PAQR5: variants seen among roughly 807,000 people sequenced by gnomAD.
PAQR5 encodes the protein progestin and adipoQ receptor family member 5, also known as membrane progestin receptor gamma.
PAQR5 carries 20 observed loss-of-function variants against 34.5 expected under a neutral mutation model. The observed-to-expected ratio is 0.58, with a 90% confidence interval of 0.41 to 0.84. The LOEUF (loss-of-function observed/expected upper bound fraction) is 0.84, where lower values mean the gene tolerates loss of function less well. Among genes scored for constraint, PAQR5 ranks in the 40% least tolerant of loss-of-function variants. The pLI is 0.00. For missense variants in PAQR5, 378 were observed against 412.7 expected (o/e 0.92, Z 0.73); for synonymous variants, 131 against 155.6 (o/e 0.84, Z 1.18).
intron 2 of PAQR5, among the ~76,000 whole-genome samples, chr15:69,342,546 T>G (rs1456726752): frequency 2.0e-5 from 3 of 152,162 alleles, no homozygotes; most frequent in African/African-American, 2.4e-5. Context: ...ATCACATGTT[T>G]TAAGGTAAAA....
intron 3 of PAQR5, among the ~76,000 whole-genome samples, chr15:69,371,305 C>A (rs2055555057): frequency 6.6e-6 from 1 of 151,870 alleles, no homozygotes; most frequent in Non-Finnish European, 1.5e-5. Context: ...TTAATTGAAG[C>A]CAGTTTGAGC....
At chr15:69,346,297 ATTTTTTTTTTTT>A (rs34728909) in intron 2 of PAQR5, among the ~76,000 whole-genome samples, 2 of 81,490 alleles carry the variant, frequency 2.5e-5, no homozygotes, top group African/African-American at 5.4e-5. Context: ...ATATTTTGTA[ATTTTTTTTTTTT>A]TTTTTTTTTT....
chr15:69,379,194 C>T (rs1314112929), intron 3 of PAQR5, among the ~76,000 whole-genome samples: 1 of 151,984 alleles, frequency 6.6e-6, no homozygotes, highest in Non-Finnish European at 1.5e-5. Context: ...TCTCACTTAC[C>T]ACTTTTAGTG....
At chr15:69,379,089 A>C (rs1220029213) in intron 3 of PAQR5, among the ~76,000 whole-genome samples, 1 of 152,248 alleles carries the variant, frequency 6.6e-6, no homozygotes, top group Non-Finnish European at 1.5e-5. Context: ...TCATTTTCCC[A>C]AGCTCTTCTA....
In PAQR5 at chr15:69,360,049, TCA is replaced by T; in HGVS notation, c.-30_-29del. The T allele has an allele frequency of 6.2e-7, 1 of 1,602,844 alleles. No homozygotes were observed. The highest frequency in any genetic ancestry group is 8.5e-7 in the Non-Finnish European group (1 of 1,170,052). ...GAGGCCTGGTAACAGGGAGGCGCTG[TCA>T]CCTACTGGCCTTGCCAATCCAGCTC... On this transcript the variant is annotated 5_prime_UTR_variant, in exon 3 of 9. Transcript: ENST00000395407.
At chr15:69,368,062 C>CTT (rs5813535) in intron 3 of PAQR5, among the ~76,000 whole-genome samples, 2,469 of 148,416 alleles carry the variant, frequency 0.017, 37 homozygotes, top group Non-Finnish European at 0.026. Context: ...AGGCTTTCTG[C>CTT]TTTTTTTTTT....
chr15:69,364,525 T>TATATATACATTATATATGTA (rs2055336944), intron 3 of PAQR5, among the ~76,000 whole-genome samples: 2 of 136,874 alleles, frequency 1.5e-5, no homozygotes, highest in East Asian at 5.1e-4. Flanking sequence ...ATATATGTAA[T>TATATATACATTATATATGTA]ATATATACAT....
chr15:69,355,813 G>A (rs1304219320), intron 2 of PAQR5, among the ~76,000 whole-genome samples: 1 of 151,992 alleles, frequency 6.6e-6, no homozygotes, highest in Non-Finnish European at 1.5e-5. Flanking sequence ...GGAATAGAAT[G>A]ATATAAAGCA....
chr15:69,351,001 C>T (rs550434596), intron 2 of PAQR5, among the ~76,000 whole-genome samples: 10 of 152,144 alleles, frequency 6.6e-5, no homozygotes, highest in East Asian at 1.9e-4. Context: ...TAGTCAGAGG[C>T]GAGGCTCATA....
intron 6 of PAQR5, among the ~76,000 whole-genome samples, chr15:69,396,056 C>T (rs2056420646): frequency 6.6e-6 from 1 of 151,638 alleles, no homozygotes; most frequent in Non-Finnish European, 1.5e-5. Flanking sequence ...CATCCTCAGA[C>T]CTGCTTCTGT....
chr15:69,305,787 T>A (rs7173953), intron 1 of PAQR5, among the ~76,000 whole-genome samples: 93,737 of 151,922 alleles, frequency 0.62, 29,367 homozygotes, highest in Non-Finnish European at 0.69. Flanking sequence ...GGTTTTATTT[T>A]GTTTATTCCT....
intron 8 of PAQR5, among the ~76,000 whole-genome samples, chr15:69,400,782 G>A (rs1379017114): frequency 6.6e-6 from 1 of 152,170 alleles, no homozygotes; most frequent in Non-Finnish European, 1.5e-5. Flanking sequence ...AAAGGGAAAA[G>A]GGGAGAAAGC....
chr15:69,322,011 G>T (rs966938514), intron 1 of PAQR5, among the ~76,000 whole-genome samples: 2 of 152,172 alleles, frequency 1.3e-5, no homozygotes, highest in Admixed American at 6.5e-5. Context: ...AAGCATTATA[G>T]AGCAGGTGAC....
chr15:69,392,667 C>T (rs1326088101), intron 6 of PAQR5, among the ~76,000 whole-genome samples: 6 of 152,090 alleles, frequency 3.9e-5, no homozygotes, highest in South Asian at 4.2e-4. Flanking sequence ...CCATGATTTC[C>T]GTTAGAGTGT....
chr15:69,325,837 C>T (rs988558141), intron 1 of PAQR5, among the ~76,000 whole-genome samples: 2 of 152,130 alleles, frequency 1.3e-5, no homozygotes, highest in East Asian at 1.9e-4. Context: ...GCCATCTGCC[C>T]GGGAAACTAA....
At chr15:69,352,335 A>G (rs1377822065) in intron 2 of PAQR5, among the ~76,000 whole-genome samples, 1 of 152,170 alleles carries the variant, frequency 6.6e-6, no homozygotes, top group Non-Finnish European at 1.5e-5. Flanking sequence ...TCATGAACTG[A>G]ATGTTATCTG....
intron 2 of PAQR5, among the ~76,000 whole-genome samples, chr15:69,358,751 G>A (rs777745586): frequency 2.8e-5 from 4 of 144,406 alleles, no homozygotes; most frequent in Non-Finnish European, 4.5e-5. Flanking sequence ...ACTTTAGCCC[G>A]CCCTTGAGTA....
intron 2 of PAQR5, among the ~76,000 whole-genome samples, chr15:69,348,977 A>G (rs55890150): frequency 0.018 from 2,729 of 152,298 alleles, 39 homozygotes; most frequent in Non-Finnish European, 0.027. Flanking sequence ...GACGTCAGGT[A>G]ACTAAAACTA....
intron 6 of PAQR5, among the ~76,000 whole-genome samples, chr15:69,393,139 G>A (rs574146770): frequency 1.5e-4 from 22 of 151,412 alleles, no homozygotes; most frequent in African/African-American, 4.9e-4. Context: ...AGGAGGAAGG[G>A]GGCACATGCC....
Sources: gnomAD v4.1 joint callset for allele counts (sites outside exome capture counted in the v4.1 genomes callset) on GRCh38, gnomAD v4.1.1 for gene constraint, MANE v1.5 for transcripts, NCBI Gene and HGNC (gene_info 2026-07-23, HGNC 2026-07-21) for gene names.